The following KCNAB1 variants were observed in gnomAD, a reference collection of about 807,000 sequenced individuals.
KCNAB1 encodes the protein voltage-gated potassium channel subunit beta-1.
KCNAB1 carries 35 observed loss-of-function variants against 64.6 expected under a neutral mutation model. That is an observed-to-expected ratio of 0.54 (90% confidence interval 0.41 to 0.72). KCNAB1 has a LOEUF of 0.72. Ranked by LOEUF, KCNAB1 falls within the 30% of genes least tolerant of loss-of-function variation. KCNAB1 has a pLI of 0.00. For synonymous variants in KCNAB1, 177 were observed against 183.8 expected (o/e 0.96, Z 0.30); for missense variants, 401 against 512.9 (o/e 0.78, Z 2.11).
At chr3:156,364,808 A>C (rs535325007) in intron 1 of KCNAB1, among the ~76,000 whole-genome samples, 13 of 152,214 alleles carry the variant, frequency 8.5e-5, no homozygotes, top group African/African-American at 2.4e-4. Context: ...AACAAACAAA[A>C]AAAACACCTG....
At chr3:156,342,127 T>G (rs980078389) in intron 1 of KCNAB1, among the ~76,000 whole-genome samples, 2 of 152,094 alleles carry the variant, frequency 1.3e-5, no homozygotes, top group African/African-American at 4.8e-5. Context: ...TAATATTCTG[T>G]CCCCAGCAAA....
intron 12 of KCNAB1, among the ~76,000 whole-genome samples, chr3:156,524,701 T>C (rs572695310): frequency 1.6e-5 from 2 of 125,192 alleles, no homozygotes; most frequent in South Asian, 5.0e-4. Flanking sequence ...AAGCCCAGAT[T>C]GCGTCACTGC....
At chr3:156,269,905 G>A (rs964998269) in intron 1 of KCNAB1, among the ~76,000 whole-genome samples, 17 of 147,824 alleles carry the variant, frequency 1.2e-4, no homozygotes, top group Admixed American at 4.0e-4. Flanking sequence ...ACAGATGACC[G>A]GGGCTTGCTT....
intron 2 of KCNAB1, among the ~76,000 whole-genome samples, chr3:156,441,690 C>T (rs1037088937): frequency 7.9e-5 from 12 of 152,068 alleles, no homozygotes; most frequent in African/African-American, 2.4e-4. Flanking sequence ...CTACTGGATA[C>T]ATTTACTACA....
At chr3:156,314,243 G>A (rs1722126166) in intron 1 of KCNAB1, among the ~76,000 whole-genome samples, 1 of 152,234 alleles carries the variant, frequency 6.6e-6, no homozygotes, top group Non-Finnish European at 1.5e-5. Flanking sequence ...CAAAAATGTA[G>A]TACATGTATT....
chr3:156,448,381 C>A (rs558771713), intron 2 of KCNAB1, among the ~76,000 whole-genome samples: 1 of 152,172 alleles, frequency 6.6e-6, no homozygotes, highest in Admixed American at 6.5e-5. Context: ...TATTAACTAA[C>A]AAGTCACCTT....
intron 1 of KCNAB1, among the ~76,000 whole-genome samples, chr3:156,331,237 A>G (rs557208766): frequency 1.8e-4 from 27 of 152,364 alleles, no homozygotes; most frequent in African/African-American, 6.0e-4. Flanking sequence ...AGCACCAGCG[A>G]TCATGTAGAT....
chr3:156,346,946 T>A (rs1457788107), intron 1 of KCNAB1, among the ~76,000 whole-genome samples: 1 of 150,748 alleles, frequency 6.6e-6, no homozygotes, highest in Admixed American at 6.6e-5. Context: ...ATAGAATGAA[T>A]CCACCTCTCT....
chr3:156,500,441 C>A (rs1716322500), intron 8 of KCNAB1, among the ~76,000 whole-genome samples: 1 of 151,994 alleles, frequency 6.6e-6, no homozygotes, highest in South Asian at 2.1e-4. Flanking sequence ...AGAAAAAAAA[C>A]CTAATTAATA....
At chr3:156,326,334 C>G (rs1310460871) in intron 1 of KCNAB1, among the ~76,000 whole-genome samples, 1 of 152,068 alleles carries the variant, frequency 6.6e-6, no homozygotes, top group Non-Finnish European at 1.5e-5. Flanking sequence ...CAGATATGCC[C>G]AGCTTATAAC....
At chr3:156,531,318 T>A in intron 12 of KCNAB1, 91 bp from the exon 13 acceptor site, 1 of 923,844 alleles carries the variant, frequency 1.1e-6, no homozygotes, top group East Asian at 2.4e-5. Context: ...TAATAAATTT[T>A]GGCTGCAACA....
chr3:156,385,444 A>G (rs868350491), intron 1 of KCNAB1, among the ~76,000 whole-genome samples: 28 of 73,130 alleles, frequency 3.8e-4, no homozygotes, highest in Middle Eastern at 0.012. Flanking sequence ...GGATGGAAGA[A>G]AAAAAAAAAA....
At chr3:156,260,402 G>A (rs751547774) in intron 1 of KCNAB1, among the ~76,000 whole-genome samples, 16 of 152,128 alleles carry the variant, frequency 1.1e-4, no homozygotes, top group African/African-American at 3.1e-4. Flanking sequence ...CAAAAAGTTC[G>A]CTCATTCCTG....
chr3:156,276,968 G>T (rs112593273), intron 1 of KCNAB1, among the ~76,000 whole-genome samples: 1 of 152,028 alleles, frequency 6.6e-6, no homozygotes, highest in African/African-American at 2.4e-5. Context: ...CCTAGCTTTT[G>T]GCCTGTCTAG....
At position 156,537,148 on chromosome 3, in the gene KCNAB1, A is replaced by G; in HGVS notation, c.*401A>G. 1 of 398,732 alleles carries G rather than the reference A, an allele frequency of 2.5e-6. No individual in the cohort carries two copies. Among genetic ancestry groups the G allele is most frequent in the East Asian group, 3.6e-5 (1 of 28,086 alleles). 24.7% of individuals were successfully genotyped at this position (398,732 alleles called of 1,614,324 possible). A position where few individuals can be genotyped will look rare whatever the true frequency, so the allele number is the denominator to read the frequency against. On this transcript the variant is annotated 3_prime_UTR_variant, in exon 14 of 14. Transcript: ENST00000490337. ...GAGTTGCGTAAGAAACAGAGTAGAT[A>G]GACTAAATTCAGTGAAGGAAAGGAA...
At chr3:156,228,097 A>G (rs1167308118) in intron 1 of KCNAB1, among the ~76,000 whole-genome samples, 1 of 152,166 alleles carries the variant, frequency 6.6e-6, no homozygotes, top group Non-Finnish European at 1.5e-5. Flanking sequence ...ACAATAATTT[A>G]TTGTACCAAA....
upstream of KCNAB1, among the ~76,000 whole-genome samples, chr3:156,120,397 T>C (rs886449993): frequency 2.6e-5 from 4 of 152,202 alleles, no homozygotes; most frequent in African/African-American, 9.7e-5. Flanking sequence ...TGTTCGAAGA[T>C]ACCACAGGTA....
At chr3:156,167,282 C>T (rs145285278) in intron 1 of KCNAB1, among the ~76,000 whole-genome samples, 2,421 of 152,166 alleles carry the variant, frequency 0.016, 46 homozygotes, top group Non-Finnish European at 0.019. Context: ...GCGTGTGAGA[C>T]TTTTTGCAAG....
chr3:156,364,941 T>A (rs748081626), intron 1 of KCNAB1, among the ~76,000 whole-genome samples: 8 of 152,132 alleles, frequency 5.3e-5, no homozygotes, highest in South Asian at 2.1e-4. Context: ...CTAGGAGAGA[T>A]GACATCCAGG....
Sources: allele counts gnomAD v4.1 joint callset (sites outside exome capture counted in the v4.1 genomes callset), GRCh38; gene constraint gnomAD v4.1.1; transcripts MANE v1.5; gene names NCBI Gene and HGNC (gene_info 2026-07-23, HGNC 2026-07-21).